The following TRAPPC9 variants were observed in gnomAD, a reference collection of about 807,000 sequenced individuals.
The protein encoded by TRAPPC9 is IKK2 binding protein.
In TRAPPC9, 83 loss-of-function variants were observed where a neutral mutation model predicts 124.0. The observed-to-expected ratio is 0.67, with a 90% CI of 0.56 to 0.80. The LOEUF (loss-of-function observed/expected upper bound fraction) is 0.80, where lower values mean the gene tolerates loss of function less well. Ranked by LOEUF, TRAPPC9 falls within the 30% of genes least tolerant of loss-of-function variation. The pLI, the probability that TRAPPC9 is intolerant of heterozygous loss-of-function variation, is 0.00. For missense variants in TRAPPC9, 1,302 were observed against 1,508.3 expected, an observed-to-expected ratio of 0.86 and a Z score of 2.27; for synonymous variants, 638 against 617.5, an observed-to-expected ratio of 1.03 and a Z score of -0.49.
At chr8:140,294,701 G>A (rs1024411865) in intron 11 of TRAPPC9, among the ~76,000 whole-genome samples, 2 of 150,478 alleles carry the variant, frequency 1.3e-5, no homozygotes, top group Non-Finnish European at 3.0e-5. Context: ...TCCACTTCCC[G>A]GGTTCAAACG....
At position 139,873,257 on chromosome 8, in the gene TRAPPC9, T is replaced by C. The variant is rs545351292; in HGVS notation, c.3055+12622A>G. ...AACGCTGGGTCAGTCCATCAGCATC[T>C]CCCAGCCTCATTTTCCTCATGGATA... On this transcript the variant is annotated intron_variant, in intron 21 of 22. Transcript: ENST00000438773. Among the ~76,000 whole-genome samples the C allele has an allele frequency of 8.5e-5, 13 of 152,266 alleles. No individual in the cohort carries two copies. The East Asian group carries it at 2.3e-3, about 27-fold the overall frequency.
At position 140,257,018 on chromosome 8, in the gene TRAPPC9, G is replaced by T. The variant is rs767474220; in HGVS notation, c.2279-4089C>A. ...CCATTACAGAACAGTCCCAGTAAGT[G>T]TTCAGGTGTCTGAGCTCTCCCTCTG... On this transcript the variant is annotated intron_variant, in intron 15 of 22. Coordinates refer to ENST00000438773, the MANE Select transcript of TRAPPC9 (RefSeq NM_001160372.4). This position sits in a 1 kb window ranked among gnomAD's most constrained non-coding sequence, Gnocchi z 4.6. 1.3e-5 allele frequency among the ~76,000 whole-genome samples: 2 copies of T among 152,150 alleles called. No homozygotes were observed. The highest frequency in any genetic ancestry group is 2.9e-5 in the Non-Finnish European group (2 of 68,026).
intron 2 of TRAPPC9, among the ~76,000 whole-genome samples, chr8:140,443,524 G>A (rs189763458): frequency 1.5e-3 from 223 of 152,164 alleles, no homozygotes; most frequent in Non-Finnish European, 2.7e-3. Context: ...GGAGCCTTTT[G>A]ACTACGTGCC....
intron 9 of TRAPPC9, among the ~76,000 whole-genome samples, chr8:140,328,962 C>A (rs2066818161): frequency 6.6e-6 from 1 of 152,038 alleles, no homozygotes; most frequent in African/African-American, 2.4e-5. Flanking sequence ...AGAGGAAGGG[C>A]AGGGCAAGCT....
intron 21 of TRAPPC9, among the ~76,000 whole-genome samples, chr8:139,772,355 G>A (rs994876193): frequency 6.6e-6 from 1 of 152,194 alleles, no homozygotes; most frequent in African/African-American, 2.4e-5. Flanking sequence ...CCCAGTGAGG[G>A]GAGAGTATTA....
At chr8:139,970,573 C>T (rs1030018125) in intron 19 of TRAPPC9, among the ~76,000 whole-genome samples, 5 of 152,084 alleles carry the variant, frequency 3.3e-5, no homozygotes, top group Non-Finnish European at 5.9e-5. Context: ...CACGGAGGGG[C>T]GCGGCTTCCC....
At chr8:139,912,794 G>C (rs1831837170) in intron 19 of TRAPPC9, among the ~76,000 whole-genome samples, 1 of 152,186 alleles carries the variant, frequency 6.6e-6, no homozygotes, top group South Asian at 2.1e-4. Flanking sequence ...TTCTTCTCTT[G>C]TGAGTAACCT....
At chr8:140,431,251 G>A (rs950587035) in intron 4 of TRAPPC9, among the ~76,000 whole-genome samples, 5 of 151,966 alleles carry the variant, frequency 3.3e-5, no homozygotes, top group Admixed American at 6.6e-5. Flanking sequence ...GAGGTCAGGA[G>A]TTCAAGACCA....
chr8:140,314,165 G>A (rs1010686626), intron 9 of TRAPPC9, among the ~76,000 whole-genome samples: 3 of 152,256 alleles, frequency 2.0e-5, no homozygotes, highest in South Asian at 4.1e-4. Context: ...ATTAATAAAC[G>A]GTTGAGTCTT....
intron 19 of TRAPPC9, among the ~76,000 whole-genome samples, chr8:139,977,268 G>GA (rs1247177713): frequency 6.6e-6 from 1 of 151,956 alleles, no homozygotes; most frequent in Non-Finnish European, 1.5e-5. Flanking sequence ...TCACAGAACC[G>GA]ATAAACACTC....
intron 21 of TRAPPC9, among the ~76,000 whole-genome samples, chr8:139,765,525 A>C (rs1820525696): frequency 6.6e-6 from 1 of 152,186 alleles, no homozygotes; most frequent in Non-Finnish European, 1.5e-5. Context: ...AGAGGATTAG[A>C]GTTAAGGGAA....
intron 19 of TRAPPC9, chr8:139,932,196 C>A: frequency 2.5e-6 from 1 of 402,142 alleles, no homozygotes; most frequent in South Asian, 1.8e-5. Context: ...GAGAAACCAG[C>A]CAGGCAGGCC....
In TRAPPC9 at chr8:140,311,394, A is replaced by T. The variant is rs771739326; in HGVS notation, c.1496-20T>A. ...TCTTTTCTGAAGAGAAGATGAAAAC[A>T]AAATAAAGATGTATTAGGCAAAAGT... On this transcript the variant is annotated intron_variant, in intron 9 of 22. Coordinates refer to ENST00000438773, the MANE Select transcript of TRAPPC9 (RefSeq NM_001160372.4). The T allele has an allele frequency of 1.2e-6, 2 of 1,612,474 alleles. No homozygotes were observed. Among genetic ancestry groups the T allele is most frequent in the East Asian group, 4.5e-5 (2 of 44,864 alleles).
At chr8:139,795,530 T>C (rs1044626411) in intron 21 of TRAPPC9, among the ~76,000 whole-genome samples, 1 of 123,618 alleles carries the variant, frequency 8.1e-6, no homozygotes, top group African/African-American at 3.3e-5. Flanking sequence ...ATGCAGCTGA[T>C]AGGATCTGTA....
At chr8:139,956,564 T>C (rs1835002888) in intron 19 of TRAPPC9, among the ~76,000 whole-genome samples, 1 of 152,172 alleles carries the variant, frequency 6.6e-6, no homozygotes, top group Non-Finnish European at 1.5e-5. Flanking sequence ...TCCACCACGG[T>C]GTCTCGTACA....
chr8:140,078,818 T>C lies in TRAPPC9; in HGVS notation c.2557-54739A>G, dbSNP rs147534523. On this transcript the variant is annotated intron_variant, in intron 17 of 22. Coordinates refer to ENST00000438773, the MANE Select transcript of TRAPPC9 (RefSeq NM_001160372.4). Reference sequence around the variant, plus strand: ...CCTCCCTGCCCCCAGTCACCACCAGTCAACAGGGGGCCTACCCAGCAATGG... The same window carrying C: ...CCTCCCTGCCCCCAGTCACCACCAGCCAACAGGGGGCCTACCCAGCAATGG... Among the ~76,000 whole-genome samples the C allele has an allele frequency of 3.9e-5, 6 of 152,162 alleles. No homozygotes were observed. In the East Asian group the frequency reaches 1.2e-3, roughly 29 times the overall value.
At chr8:140,102,028 T>A (rs756951774) in intron 17 of TRAPPC9, among the ~76,000 whole-genome samples, 15 of 152,200 alleles carry the variant, frequency 9.9e-5, no homozygotes, top group Admixed American at 2.0e-4. Flanking sequence ...AAAATGCATA[T>A]TGGAGAGTAG....
intron 17 of TRAPPC9, among the ~76,000 whole-genome samples, chr8:140,177,094 G>A (rs1212168974): frequency 1.3e-5 from 2 of 152,126 alleles, no homozygotes; most frequent in Admixed American, 6.5e-5. Context: ...CCAAGGCTGA[G>A]CTTGCTTTTT....
chr8:140,343,569 A>T (rs2067255392), intron 9 of TRAPPC9, among the ~76,000 whole-genome samples: 1 of 152,214 alleles, frequency 6.6e-6, no homozygotes, highest in Non-Finnish European at 1.5e-5. Context: ...CTAACCAGTC[A>T]AACGATAAGT....
Sources: gnomAD v4.1 joint callset for allele counts (sites outside exome capture counted in the v4.1 genomes callset) on GRCh38, gnomAD v4.1.1 for gene constraint, Gnocchi (gnomAD v3.1) non-coding constraint, MANE v1.5 for transcripts, NCBI Gene and HGNC (gene_info 2026-07-23, HGNC 2026-07-21) for gene names.